WASHC5: variants seen among roughly 807,000 people sequenced by gnomAD.
The protein encoded by WASHC5 is WASH complex subunit 5, also known as WASH complex subunit strumpellin.
Under a neutral mutation model 150.4 loss-of-function variants are expected in WASHC5, and 101 were observed. The observed-to-expected ratio is 0.67, with a 90% CI of 0.57 to 0.79. The LOEUF (loss-of-function observed/expected upper bound fraction) is 0.79. Ranked by LOEUF, WASHC5 falls within the 30% of genes least tolerant of loss-of-function variation. WASHC5 has a pLI of 0.00. For synonymous variants in WASHC5, 467 were observed against 491.2 expected (o/e 0.95, Z 0.65); for missense variants, 1,195 against 1,396.3 (o/e 0.86, Z 2.30).
At chr8:125,031,684 C>T (rs1198741816) in intron 27 of WASHC5, among the ~76,000 whole-genome samples, 1 of 152,150 alleles carries the variant, frequency 6.6e-6, no homozygotes, top group African/African-American at 2.4e-5. Context: ...GACCCAGCAT[C>T]TCATGGAAAT....
Position 125,067,628 on chromosome 8 carries a change from C to T in WASHC5, c.1242G>A (p.Leu414=), listed in dbSNP as rs1408244181. ...RYNPRILFQL[L]LDTAQFEFIL... is the part of the protein sequence containing the mutation. ...TAAACTCAAATTGTGCAGTATCTAA[C>T]AGCAGCTGGAAGAGGATCCTGGGAT... The change falls in exon 10 of 29, where the codon CTG becomes CTA. Residue 414 remains leucine (L), a synonymous_variant. Transcript: ENST00000318410. The T allele has an allele frequency of 6.2e-7, 1 of 1,613,118 alleles. No homozygotes were observed. Among genetic ancestry groups the T allele is most frequent in the Middle Eastern group, 1.7e-4 (1 of 6,054 alleles).
In WASHC5 at chr8:125,083,789, G is replaced by A; in HGVS notation, c.110C>T (p.Pro37Leu). The A allele has an allele frequency of 6.2e-7, 1 of 1,613,738 alleles. No homozygotes were observed. The highest frequency in any genetic ancestry group is 8.5e-7 in the Non-Finnish European group (1 of 1,179,704). ...TCTGTCTTTTAACCTGAACACAGCAGGAATAAACTCAGAGAGTCTCAAAAG... is the reference window on the plus strand; with the variant it reads ...TCTGTCTTTTAACCTGAACACAGCAAGAATAAACTCAGAGAGTCTCAAAAG... ...AELLRLSEFI[P>L]AVFRLKDRAD... The change falls in exon 2 of 29, where the codon CCT becomes CTT. Residue 37 changes from proline to leucine, a missense_variant. By Grantham distance (98) the Pro-to-Leu change is moderately conservative. This residue lies in a region of WASHC5 where 195 missense variants were observed against 206.9 expected (regional missense o/e 0.94). Coordinates refer to ENST00000318410, the MANE Select transcript of WASHC5 (RefSeq NM_014846.4).
chr8:125,025,501 A>G (rs896873111), intron 28 of WASHC5, among the ~76,000 whole-genome samples: 2 of 152,076 alleles, frequency 1.3e-5, no homozygotes, highest in Admixed American at 1.3e-4. Context: ...CAGCCTGACT[A>G]ACATGGAGAA....
At chr8:125,042,714 G>C (rs1241335499) in intron 23 of WASHC5, among the ~76,000 whole-genome samples, 1 of 152,122 alleles carries the variant, frequency 6.6e-6, no homozygotes, top group Admixed American at 6.5e-5. Context: ...TCCTCCTAAA[G>C]GGTTTTCCAG....
At chr8:125,089,391 T>C (rs556910406) in intron 1 of WASHC5, among the ~76,000 whole-genome samples, 99 of 152,302 alleles carry the variant, frequency 6.5e-4, no homozygotes, top group African/African-American at 2.3e-3. Flanking sequence ...AAATAGCTGA[T>C]GACCTTAAAA....
intron 9 of WASHC5, among the ~76,000 whole-genome samples, chr8:125,068,076 C>T (rs16900345): frequency 0.026 from 3,999 of 152,278 alleles, 183 homozygotes; most frequent in African/African-American, 0.092. Flanking sequence ...GGCTTCCTCA[C>T]GTCCTGTCTG....
intron 10 of WASHC5, among the ~76,000 whole-genome samples, chr8:125,065,711 T>G (rs10086440): frequency 0.33 from 49,546 of 150,804 alleles, 9,629 homozygotes; most frequent in African/African-American, 0.53. Flanking sequence ...TCTGCCTGTG[T>G]TTTCAAGTGA....
intron 1 of WASHC5, among the ~76,000 whole-genome samples, chr8:125,089,783 T>A (rs1158228499): frequency 6.6e-6 from 1 of 152,188 alleles, no homozygotes; most frequent in Non-Finnish European, 1.5e-5. Context: ...TAATCCTTAG[T>A]CCCTTACTCA....
Position 125,037,152 on chromosome 8 carries a change from T to C in WASHC5, c.3181+85A>G, listed in dbSNP as rs1815734045. The C allele has an allele frequency of 6.1e-6, 5 of 816,264 alleles. No individual in the cohort carries two copies. In the South Asian group the frequency reaches 7.0e-5, roughly 11 times the overall value. The allele number at this position is 816,264 out of a possible 1,614,324, so 50.6% of individuals were successfully genotyped here. On this transcript the variant is annotated intron_variant, in intron 26 of 28. Coordinates refer to ENST00000318410, the MANE Select transcript of WASHC5 (RefSeq NM_014846.4). ...CTAAGAAAAGATCTCATATCCGACA[T>C]AGGCATTCTATACAAAAAGCTATTT...
At chr8:125,036,579 G>A (rs1247789087) in intron 26 of WASHC5, among the ~76,000 whole-genome samples, 1 of 144,822 alleles carries the variant, frequency 6.9e-6, no homozygotes, top group Admixed American at 6.7e-5. Context: ...AGGCTGAGGT[G>A]GAAGGATTCT....
chr8:125,050,767 C>G, intron 17 of WASHC5, 102 bp from the exon 18 acceptor site: 1 of 812,026 alleles, frequency 1.2e-6, no homozygotes, highest in East Asian at 2.5e-5. Context: ...GGGCATTTTC[C>G]TACCTCCTCA....
chr8:125,026,760 G>C (rs893484679), intron 28 of WASHC5, among the ~76,000 whole-genome samples: 1 of 151,840 alleles, frequency 6.6e-6, no homozygotes, highest in African/African-American at 2.4e-5. Context: ...CTTCTATTTA[G>C]TTGCATACCA....
chr8:125,058,889 A>G (rs1211598613), intron 14 of WASHC5, among the ~76,000 whole-genome samples: 1 of 152,178 alleles, frequency 6.6e-6, no homozygotes, highest in African/African-American at 2.4e-5. Flanking sequence ...TTTTGAATGA[A>G]TAAGTAAAAG....
At chr8:125,080,277 T>G (rs1031271911) in intron 5 of WASHC5, among the ~76,000 whole-genome samples, 4 of 152,228 alleles carry the variant, frequency 2.6e-5, no homozygotes, top group Non-Finnish European at 4.4e-5. Flanking sequence ...CAATATTTTT[T>G]TCTTCTTCTT....
chr8:125,027,680 G>A (rs891103124), intron 28 of WASHC5, among the ~76,000 whole-genome samples: 8 of 152,192 alleles, frequency 5.3e-5, no homozygotes, highest in Non-Finnish European at 1.2e-4. Context: ...TACTGCTCAG[G>A]TGATGGGTGC....
At chr8:125,049,350 G>A (rs1349181606) in intron 18 of WASHC5, among the ~76,000 whole-genome samples, 165 bp from the exon 19 acceptor site, 1 of 152,166 alleles carries the variant, frequency 6.6e-6, no homozygotes, top group Non-Finnish European at 1.5e-5. Flanking sequence ...CTTGAGGTCA[G>A]GAGTTCAAGA....
intron 11 of WASHC5, among the ~76,000 whole-genome samples, chr8:125,063,079 T>C (rs1047713393): frequency 1.3e-5 from 2 of 152,154 alleles, no homozygotes; most frequent in Non-Finnish European, 2.9e-5. Context: ...TTAGATATCA[T>C]CTATGCTGGT....
intron 1 of WASHC5, among the ~76,000 whole-genome samples, chr8:125,084,867 T>C (rs1353191609): frequency 6.6e-6 from 1 of 152,208 alleles, no homozygotes; most frequent in Non-Finnish European, 1.5e-5. Flanking sequence ...GAGTTTCTGG[T>C]AAGTAGGTTA....
At position 125,083,893 on chromosome 8, in the gene WASHC5, C is replaced by T; in HGVS notation, c.6G>A (p.Leu2=). M[L]DFLAENNLCG... is the part of the protein sequence containing the mutation. ...AGAGGTTGTTCTCGGCTAGAAAGTCCAACATTGTGAGGCGGACCGACTACT... is the reference window on the plus strand; with the variant it reads ...AGAGGTTGTTCTCGGCTAGAAAGTCTAACATTGTGAGGCGGACCGACTACT... Residue 2 remains leucine (L), a synonymous_variant, in exon 2 of 29, where the codon TTG becomes TTA. Transcript: ENST00000318410. 1 of 1,613,644 alleles carries T rather than the reference C, an allele frequency of 6.2e-7. No homozygotes were observed. The highest frequency in any genetic ancestry group is 8.5e-7 in the Non-Finnish European group (1 of 1,179,806).
Sources: gnomAD v4.1 joint callset for allele counts (sites outside exome capture counted in the v4.1 genomes callset) on GRCh38, gnomAD v4.1.1 for gene constraint, gnomAD v4.1.1 regional missense constraint, MANE v1.5 for transcripts, NCBI Gene and HGNC (gene_info 2026-07-23, HGNC 2026-07-21) for gene names.